Variants in PITPNM2 observed in about 807,000 individuals in gnomAD.
PITPNM2 encodes phosphatidylinositol transfer protein membrane associated 2, also known as membrane-associated phosphatidylinositol transfer protein 2.
In PITPNM2, 35 loss-of-function variants were observed where a neutral mutation model predicts 132.2. That is an observed-to-expected ratio of 0.26 (90% CI 0.20 to 0.35). The LOEUF (loss-of-function observed/expected upper bound fraction) is 0.35. Ranked by LOEUF, PITPNM2 falls within the 10% of genes least tolerant of loss-of-function variation. PITPNM2 has a pLI of 1.00. For missense variants in PITPNM2, 1,332 were observed against 1,912.0 expected, an observed-to-expected ratio of 0.70 and a Z score of 5.66; for synonymous variants, 738 against 799.2, an observed-to-expected ratio of 0.92 and a Z score of 1.29.
chr12:123,034,824 T>G (rs2040214813), intron 2 of PITPNM2, 139 bp from the exon 3 acceptor site: 3 of 503,784 alleles, frequency 6.0e-6, no homozygotes, highest in African/African-American at 5.7e-5. Flanking sequence ...GGTGCAACTT[T>G]GAGCAGGTTC....
At chr12:122,989,979 C>A in intron 17 of PITPNM2, 31 bp from the exon 18 acceptor site, 1 of 1,297,694 alleles carries the variant, frequency 7.7e-7, no homozygotes. Context: ...ATGGCTCAGC[C>A]ACGCGGGGAT....
rs58550557 is a variant in PITPNM2 at position 123,071,417 on chromosome 12, G to A, written c.-95-36732C>T. On this transcript the variant is annotated intron_variant, in intron 2 of 25. Transcript: ENST00000320201. ...TCCTAGGGTGGAGGACAGCCAGAGA[G>A]AGACCCGCAGGCTGGATAACTCTGC... 5.1e-3 allele frequency among the ~76,000 whole-genome samples: 781 copies of A among 152,330 alleles called. 9 individuals are homozygous for A. Among genetic ancestry groups the A allele is most frequent in the African/African-American group, 0.018 (728 of 41,572 alleles).
chr12:123,035,037 GAC>G (rs1366746503), intron 2 of PITPNM2, among the ~76,000 whole-genome samples: 1 of 152,208 alleles, frequency 6.6e-6, no homozygotes, highest in Non-Finnish European at 1.5e-5. Context: ...CCCCGGTACT[GAC>G]ACAGTGAGTA....
At chr12:123,065,571 A>G (rs193122135) in intron 2 of PITPNM2, among the ~76,000 whole-genome samples, 2 of 152,334 alleles carry the variant, frequency 1.3e-5, no homozygotes, top group East Asian at 3.9e-4. Flanking sequence ...TGACAGGTAA[A>G]AGCAAGGGGC....
intron 1 of PITPNM2, among the ~76,000 whole-genome samples, chr12:123,140,279 T>C (rs1303141656): frequency 6.6e-6 from 1 of 152,134 alleles, no homozygotes; most frequent in African/African-American, 2.4e-5. Flanking sequence ...CCACAGGCCC[T>C]TCTGCTCCTT....
At position 122,990,673 on chromosome 12, in the gene PITPNM2, T is replaced by C. The variant is rs1206956133; in HGVS notation, c.2441A>G (p.Glu814Gly). The change falls in exon 17 of 26, where the codon GAG (glutamate) becomes GGG (glycine). Residue 814 changes from glutamate to glycine, a missense_variant. Transcript: ENST00000320201. ...GCCCGGCGAGGAGGGGGCGCCATGC[T>C]CTTGGAAGGCTGCATTGTGGGTCTG... ...VLQTHNAAFQEHGAPSSPGTA... is the reference protein window; with the variant it reads ...VLQTHNAAFQGHGAPSSPGTA... 1 of 1,611,552 alleles carries C rather than the reference T, an allele frequency of 6.2e-7. No individual in the cohort carries two copies. The highest frequency in any genetic ancestry group is 8.5e-7 in the Non-Finnish European group (1 of 1,179,732).
In PITPNM2 at chr12:123,009,385, C is replaced by A. The variant is rs2039080911; in HGVS notation, c.643+465G>T. ...GAAGGCCACTATGATGTCTGAGACA[C>A]CCTGCTCCTGGGAGCTTCCAGCCCA... On this transcript the variant is annotated intron_variant, in intron 6 of 25. Coordinates refer to ENST00000320201, the MANE Select transcript of PITPNM2 (RefSeq NM_020845.3). The surrounding 1 kb of genome is among the most constrained non-coding windows in gnomAD (Gnocchi z 4.8). Among the ~76,000 whole-genome samples, 2 of 152,196 alleles carry A rather than the reference C, an allele frequency of 1.3e-5. No individual in the cohort carries two copies. The highest frequency in any genetic ancestry group is 1.3e-4 in the Admixed American group (2 of 15,284).
chr12:123,113,449 C>T (rs1172498681), intron 1 of PITPNM2, among the ~76,000 whole-genome samples: 1 of 152,150 alleles, frequency 6.6e-6, no homozygotes, highest in Admixed American at 6.6e-5. Flanking sequence ...GCTTGTAATC[C>T]CAGCACTTAG....
At chr12:123,033,115 C>T (rs756838542) in intron 3 of PITPNM2, among the ~76,000 whole-genome samples, 1 of 152,248 alleles carries the variant, frequency 6.6e-6, no homozygotes, top group Non-Finnish European at 1.5e-5. Context: ...ACCAACGACT[C>T]AGTCTGATGC....
chr12:123,148,106 G>A (rs2137731187), intron 1 of PITPNM2, among the ~76,000 whole-genome samples: 1 of 152,264 alleles, frequency 6.6e-6, no homozygotes, highest in Non-Finnish European at 1.5e-5. Context: ...GATTTGCCAT[G>A]GCTCTATTTG....
In PITPNM2 at chr12:123,064,134, T is replaced by G. The variant is rs1261267847; in HGVS notation, c.-95-29449A>C. Among the ~76,000 whole-genome samples the G allele has an allele frequency of 6.6e-6, 1 of 152,224 alleles. No individual in the cohort carries two copies. The highest frequency in any genetic ancestry group is 1.5e-5 in the Non-Finnish European group (1 of 68,036). Reference sequence around the variant, plus strand: ...AATCATTGATATCATTTTGTCACTATGCATTATTGCCAGCCTTCCCAGGGT... The same window carrying G: ...AATCATTGATATCATTTTGTCACTAGGCATTATTGCCAGCCTTCCCAGGGT... On this transcript the variant is annotated intron_variant, in intron 2 of 25. Coordinates refer to ENST00000320201, the MANE Select transcript of PITPNM2 (RefSeq NM_020845.3). The surrounding 1 kb of genome is among the most constrained non-coding windows in gnomAD (Gnocchi z 4.0).
At chr12:123,050,655 T>C (rs2040827854) in intron 2 of PITPNM2, among the ~76,000 whole-genome samples, 1 of 152,214 alleles carries the variant, frequency 6.6e-6, no homozygotes, top group Non-Finnish European at 1.5e-5. Flanking sequence ...CATTCACGTG[T>C]CTGTACAACT....
chr12:123,002,667 G>C (rs1285087662), intron 8 of PITPNM2, among the ~76,000 whole-genome samples: 1 of 152,192 alleles, frequency 6.6e-6, no homozygotes, highest in Non-Finnish European at 1.5e-5. Flanking sequence ...ATCCCAAAGT[G>C]TTGGGATAAC....
intron 2 of PITPNM2, among the ~76,000 whole-genome samples, chr12:123,104,001 T>C (rs1180442791): frequency 6.6e-6 from 1 of 152,168 alleles, no homozygotes; most frequent in Non-Finnish European, 1.5e-5. Context: ...AACCTCCGCC[T>C]CCGGGTTGAA....
intron 2 of PITPNM2, among the ~76,000 whole-genome samples, chr12:123,057,617 G>A (rs1370552524): frequency 6.6e-6 from 1 of 152,164 alleles, no homozygotes; most frequent in Non-Finnish European, 1.5e-5. Flanking sequence ...CAGGCAATGG[G>A]CCTATGGACA....
rs533496264 is a variant in PITPNM2, at chr12:123,058,757, C to T, written c.-95-24072G>A. Among the ~76,000 whole-genome samples, 33 of 152,356 alleles carry T rather than the reference C, an allele frequency of 2.2e-4. No individual in the cohort carries two copies. Among genetic ancestry groups the T allele is most frequent in the African/African-American group, 7.9e-4 (33 of 41,584 alleles). On this transcript the variant is annotated intron_variant, in intron 2 of 25. Coordinates refer to ENST00000320201, the MANE Select transcript of PITPNM2 (RefSeq NM_020845.3). This position sits in a 1 kb window ranked among gnomAD's most constrained non-coding sequence, Gnocchi z 4.0. Reference sequence around the variant, plus strand: ...GTTGCCTGAGGCATTTGCTCAAGTGCTCAACCCCTGCTGGTTCTTTTGTGG... The same window carrying T: ...GTTGCCTGAGGCATTTGCTCAAGTGTTCAACCCCTGCTGGTTCTTTTGTGG...
intron 8 of PITPNM2, among the ~76,000 whole-genome samples, chr12:123,002,372 T>C (rs1397426868): frequency 1.3e-5 from 2 of 152,150 alleles, no homozygotes; most frequent in Non-Finnish European, 1.5e-5. Context: ...TAAAAAATGC[T>C]ACATTTACTT....
rs752351167 is a variant in PITPNM2 at position 123,013,892 on chromosome 12, G to A, written c.229C>T (p.Leu77=). The part of the protein sequence containing the change: ...MHIPSWFRSI[L]PKAALRVVEE... The stretch of plus-strand genomic sequence containing the variant: ...ACCACCCGCAGGGCTGCCTTGGGCA[G>A]GATGGAGCGGAACCAGCTGGGAATG... Residue 77 remains leucine, a synonymous_variant, in exon 4 of 26, where the codon CTG becomes TTG. Transcript: ENST00000320201. 2 of 1,614,284 alleles carry A rather than the reference G, an allele frequency of 1.2e-6. No homozygotes were observed. Among genetic ancestry groups the A allele is most frequent in the Admixed American group, 3.3e-5 (2 of 60,036 alleles).
rs1010308968 is a variant in PITPNM2, at chr12:123,150,583, C to T, written c.-200+170G>A. The stretch of plus-strand genomic sequence containing the variant: ...GCTCCCGTACGCCACACCCTCCTCC[C>T]TGCCCGGGTCTCCGCTCCCTCCTCC... On this transcript the variant is annotated intron_variant, in intron 1 of 25. Transcript: ENST00000320201. The surrounding 1 kb of genome is among the most constrained non-coding windows in gnomAD (Gnocchi z 6.0). Among the ~76,000 whole-genome samples, 1 of 151,272 alleles carries T rather than the reference C, an allele frequency of 6.6e-6. No individual in the cohort carries two copies. The highest frequency in any genetic ancestry group is 1.5e-5 in the Non-Finnish European group (1 of 67,702).
Sources: gnomAD v4.1 joint callset for allele counts (sites outside exome capture counted in the v4.1 genomes callset) on GRCh38, gnomAD v4.1.1 for gene constraint, Gnocchi (gnomAD v3.1) non-coding constraint, MANE v1.5 for transcripts, NCBI Gene and HGNC (gene_info 2026-07-23, HGNC 2026-07-21) for gene names.